CD58: variants seen among roughly 807,000 people sequenced by gnomAD.
CD58 encodes lymphocyte function-associated antigen 3.
Under a neutral mutation model 27.6 loss-of-function variants are expected in CD58, and 14 were observed. The observed-to-expected ratio is 0.51, with a 90% CI of 0.34 to 0.79. The LOEUF (loss-of-function observed/expected upper bound fraction) is 0.79, where lower values mean the gene tolerates loss of function less well. Among genes scored for constraint, CD58 ranks in the 30% least tolerant of loss-of-function variants. The probability of loss-of-function intolerance (pLI) is 0.02; values close to 1 mark genes in which losing one functional copy is unlikely to be tolerated. For missense variants in CD58, 268 were observed against 301.7 expected, an observed-to-expected ratio of 0.89 and a Z score of 0.83; for synonymous variants, 117 against 103.8, an observed-to-expected ratio of 1.13 and a Z score of -0.77.
chr1:116,559,632 C>T lies in CD58; in HGVS notation c.70+11271G>A, dbSNP rs1459303404. ...GAAACTGCAGCCACCTGTCTCCCAACGGTTACAAACCCTCGGTCCCCAAGG... is the reference window on the plus strand; with the variant it reads ...GAAACTGCAGCCACCTGTCTCCCAATGGTTACAAACCCTCGGTCCCCAAGG... On this transcript the variant is annotated intron_variant, in intron 1 of 5. Coordinates refer to ENST00000369489, the MANE Select transcript of CD58 (RefSeq NM_001779.3). The surrounding 1 kb of genome is among the most constrained non-coding windows in gnomAD (Gnocchi z 4.4). Among the ~76,000 whole-genome samples, 1 of 152,178 alleles carries T rather than the reference C, an allele frequency of 6.6e-6. No homozygotes were observed. Among genetic ancestry groups the T allele is most frequent in the Non-Finnish European group, 1.5e-5 (1 of 68,024 alleles).
chr1:116,533,397 G>T, intron 3 of CD58: 4 of 841,176 alleles, frequency 4.8e-6, no homozygotes, highest in Non-Finnish European at 6.2e-6. Flanking sequence ...AGCCTTATCT[G>T]GTTCTGATTT....
Position 116,528,366 on chromosome 1 carries a change from G to A in CD58, c.629-6383C>T, listed in dbSNP as rs1370501168. Among the ~76,000 whole-genome samples, 1 of 152,022 alleles carries A rather than the reference G, an allele frequency of 6.6e-6. No individual in the cohort carries two copies. Among genetic ancestry groups the A allele is most frequent in the Non-Finnish European group, 1.5e-5 (1 of 68,020 alleles). On this transcript the variant is annotated intron_variant, in intron 3 of 5. Transcript: ENST00000369489. The surrounding 1 kb of genome is among the most constrained non-coding windows in gnomAD (Gnocchi z 4.4). Reference sequence around the variant, plus strand: ...TTTCTCTCTTTTTTCTTAGGAGTAAGATCAAAGGGTGTTTTTTTGAGGCTC... The same window carrying A: ...TTTCTCTCTTTTTTCTTAGGAGTAAAATCAAAGGGTGTTTTTTTGAGGCTC...
In CD58 at chr1:116,534,287, C is replaced by A. The variant is rs1266966094; in HGVS notation, c.628+1678G>T. 6.6e-6 allele frequency among the ~76,000 whole-genome samples: 1 copy of A among 152,236 alleles called. No individual in the cohort carries two copies. Among genetic ancestry groups the A allele is most frequent in the Non-Finnish European group, 1.5e-5 (1 of 68,040 alleles). On this transcript the variant is annotated intron_variant, in intron 3 of 5. Transcript: ENST00000369489. The surrounding 1 kb of genome is among the most constrained non-coding windows in gnomAD (Gnocchi z 5.3). ...GTCCACACGAAACTTACAATCAAAA[C>A]CCCAGTTAGCCCAGCCTGACCCCAC...
chr1:116,561,569 C>T (rs962851739), intron 1 of CD58, among the ~76,000 whole-genome samples: 4 of 152,190 alleles, frequency 2.6e-5, no homozygotes, highest in African/African-American at 9.7e-5. Flanking sequence ...TACAATTTTG[C>T]ATGACTGGTA....
Position 116,528,435 on chromosome 1 carries a change from C to G in CD58, c.629-6452G>C, listed in dbSNP as rs1020936232. Among the ~76,000 whole-genome samples, 1 of 152,154 alleles carries G rather than the reference C, an allele frequency of 6.6e-6. No individual in the cohort carries two copies. The highest frequency in any genetic ancestry group is 2.4e-5 in the African/African-American group (1 of 41,436). On this transcript the variant is annotated intron_variant, in intron 3 of 5. Coordinates refer to ENST00000369489, the MANE Select transcript of CD58 (RefSeq NM_001779.3). This position sits in a 1 kb window ranked among gnomAD's most constrained non-coding sequence, Gnocchi z 4.4. The stretch of plus-strand genomic sequence containing the variant: ...CCCTGCAGGTAACATAATGTCCACA[C>G]AGCTATGAAAGAAAGATCATCTAGT...
chr1:116,562,490 C>T (rs1658787496), intron 1 of CD58, among the ~76,000 whole-genome samples: 1 of 152,066 alleles, frequency 6.6e-6, no homozygotes, highest in African/African-American at 2.4e-5. Context: ...ACCTGGCTAA[C>T]TTTTTGTAGA....
Position 116,544,439 on chromosome 1 carries a change from T to A in CD58, c.236A>T (p.Asn79Ile). 1 of 1,614,082 alleles carries A rather than the reference T, an allele frequency of 6.2e-7. No homozygotes were observed. ...TGACACAGTGTCTAAATAAACCCTA[T>A]TTTTAAAAGATGAGAAAGCTCTGAA... The part of the protein sequence containing the change: ...SEFRAFSSFK[N>I]RVYLDTVSGS... Residue 79 changes from asparagine (N) to isoleucine (I), a missense_variant, in exon 2 of 6, where the codon AAT becomes ATT. Asn to Ile is a moderately radical substitution (Grantham distance 149, BLOSUM62 -3). Transcript: ENST00000369489.
intron 1 of CD58, among the ~76,000 whole-genome samples, chr1:116,548,189 A>AT (rs1658261602): frequency 6.6e-6 from 1 of 152,108 alleles, no homozygotes; most frequent in Admixed American, 6.5e-5. Context: ...TTCCTTATAG[A>AT]TTCTGGATAT....
At position 116,528,832 on chromosome 1, in the gene CD58, A is replaced by G. The variant is rs1203177754; in HGVS notation, c.629-6849T>C. ...CCCCTCTTCTTACTTAAAGCCCAGG[A>G]ATCTGGTTCCTACCCTCATCTATTC... On this transcript the variant is annotated intron_variant, in intron 3 of 5. Transcript: ENST00000369489. The surrounding 1 kb of genome is among the most constrained non-coding windows in gnomAD (Gnocchi z 4.4). Among the ~76,000 whole-genome samples the G allele has an allele frequency of 6.6e-6, 1 of 152,230 alleles. No individual in the cohort carries two copies. Among genetic ancestry groups the G allele is most frequent in the East Asian group, 1.9e-4 (1 of 5,196 alleles).
At position 116,532,492 on chromosome 1, in the gene CD58, A is replaced by C. The variant is rs1657645973; in HGVS notation, c.628+3473T>G. Among the ~76,000 whole-genome samples the C allele has an allele frequency of 6.6e-6, 1 of 152,220 alleles. No individual in the cohort carries two copies. Among genetic ancestry groups the C allele is most frequent in the Admixed American group, 6.5e-5 (1 of 15,292 alleles). On this transcript the variant is annotated intron_variant, in intron 3 of 5. Coordinates refer to ENST00000369489, the MANE Select transcript of CD58 (RefSeq NM_001779.3). This position sits in a 1 kb window ranked among gnomAD's most constrained non-coding sequence, Gnocchi z 5.1. ...CTCAGCAGATTAAGCAGCTGAAAACAGCGAGTGGGTTTCTTCAAATGAAAG... is the reference window on the plus strand; with the variant it reads ...CTCAGCAGATTAAGCAGCTGAAAACCGCGAGTGGGTTTCTTCAAATGAAAG...
intron 1 of CD58, among the ~76,000 whole-genome samples, chr1:116,564,239 C>A (rs907014020): frequency 6.6e-6 from 1 of 152,198 alleles, no homozygotes; most frequent in African/African-American, 2.4e-5. Flanking sequence ...CAGTTCCCAA[C>A]AATTGTTCCT....
chr1:116,534,030 T>G lies in CD58; in HGVS notation c.628+1935A>C. On this transcript the variant is annotated intron_variant, in intron 3 of 5. Coordinates refer to ENST00000369489, the MANE Select transcript of CD58 (RefSeq NM_001779.3). This position sits in a 1 kb window ranked among gnomAD's most constrained non-coding sequence, Gnocchi z 5.3. Reference sequence around the variant, plus strand: ...GATCCGTGAGCTTTTCCGTCTTACTTGCATTTTTAGCAGCTTCCACGAAAT... The same window carrying G: ...GATCCGTGAGCTTTTCCGTCTTACTGGCATTTTTAGCAGCTTCCACGAAAT... 1 of 1,221,794 alleles carries G rather than the reference T, an allele frequency of 8.2e-7. No individual in the cohort carries two copies. Among genetic ancestry groups the G allele is most frequent in the Non-Finnish European group, 1.2e-6 (1 of 827,934 alleles). The allele number at this position is 1,221,794 out of a possible 1,614,324, so 75.7% of individuals were successfully genotyped here. A position where few individuals can be genotyped will look rare whatever the true frequency, so the allele number is the denominator to read the frequency against.
At chr1:116,525,974 A>T (rs1463202048) in intron 3 of CD58, among the ~76,000 whole-genome samples, 1 of 152,012 alleles carries the variant, frequency 6.6e-6, no homozygotes, top group Non-Finnish European at 1.5e-5. Context: ...TTATATCCCT[A>T]TTTGCCATCT....
chr1:116,520,235 C>T (rs1234669663), intron 4 of CD58, among the ~76,000 whole-genome samples: 1 of 152,152 alleles, frequency 6.6e-6, no homozygotes, highest in East Asian at 1.9e-4. Context: ...CCTCAGCCTC[C>T]TGAGTAGCTG....
In CD58 at chr1:116,528,505, T is replaced by C. The variant is rs1053874453; in HGVS notation, c.629-6522A>G. ...GTTCTACATAACTTCAGGTCGGAAC[T>C]GAACAATGTTTCTTTTATGTTCTTG... is the stretch of plus-strand genomic sequence containing the variant. On this transcript the variant is annotated intron_variant, in intron 3 of 5. Coordinates refer to ENST00000369489, the MANE Select transcript of CD58 (RefSeq NM_001779.3). This position sits in a 1 kb window ranked among gnomAD's most constrained non-coding sequence, Gnocchi z 4.4. 6.6e-6 allele frequency among the ~76,000 whole-genome samples: 1 copy of C among 152,220 alleles called. No homozygotes were observed. The highest frequency in any genetic ancestry group is 2.4e-5 in the African/African-American group (1 of 41,468).
chr1:116,533,370 G>T (rs1050314), intron 3 of CD58: 3 of 969,610 alleles, frequency 3.1e-6, no homozygotes, highest in Non-Finnish European at 5.0e-6. Flanking sequence ...CTCAGGACCT[G>T]CAAATGAAAA....
intron 1 of CD58, 23 bp from the exon 2 acceptor site, chr1:116,544,627 T>A: frequency 6.5e-7 from 1 of 1,528,010 alleles, no homozygotes. Flanking sequence ...AAAAAATTGG[T>A]TAGAAAAAAC....
At chr1:116,529,479 A>G (rs770413211) in intron 3 of CD58, among the ~76,000 whole-genome samples, 12 of 152,218 alleles carry the variant, frequency 7.9e-5, no homozygotes, top group Admixed American at 6.5e-5. Context: ...ATAATTCTCC[A>G]TCTCTGAGTC....
At chr1:116,518,625 C>A in intron 5 of CD58, 8 of 978,744 alleles carry the variant, frequency 8.2e-6, no homozygotes, top group Non-Finnish European at 9.7e-6. Context: ...TCCCCTCATC[C>A]CTCAACACCC....
Sources: gnomAD v4.1 joint callset for allele counts (sites outside exome capture counted in the v4.1 genomes callset) on GRCh38, gnomAD v4.1.1 for gene constraint, Gnocchi (gnomAD v3.1) non-coding constraint, MANE v1.5 for transcripts, NCBI Gene and HGNC (gene_info 2026-07-23, HGNC 2026-07-21) for gene names.